CDK5RAP2: variants seen among roughly 807,000 people sequenced by gnomAD.
The protein encoded by CDK5RAP2 is CDK5 regulatory subunit-associated protein 2.
In CDK5RAP2, 147 loss-of-function variants were observed where a neutral mutation model predicts 232.9. That is an observed-to-expected ratio of 0.63 (90% CI 0.55 to 0.72). The LOEUF (loss-of-function observed/expected upper bound fraction) is 0.72. CDK5RAP2 is among the 30% of genes least tolerant of loss of function. The pLI is 0.00. For missense variants in CDK5RAP2, 2,195 were observed against 2,231.5 expected (o/e 0.98, Z 0.33); for synonymous variants, 833 against 833.7 (o/e 1.00, Z 0.01).
chr9:120,578,224 G>A (rs868011688), intron 1 of CDK5RAP2, among the ~76,000 whole-genome samples: 2 of 152,090 alleles, frequency 1.3e-5, no homozygotes, highest in African/African-American at 2.4e-5. Flanking sequence ...CCGAGATCGC[G>A]CCACTGCACT....
At chr9:120,460,480 C>G in intron 19 of CDK5RAP2, 92 bp downstream of exon 19, 1 of 1,193,034 alleles carries the variant, frequency 8.4e-7, no homozygotes, top group South Asian at 1.3e-5. Context: ...GCAGAATGAA[C>G]AGAAAACCCA....
At chr9:120,512,684 C>T (rs1384815096) in intron 12 of CDK5RAP2, among the ~76,000 whole-genome samples, 1 of 152,172 alleles carries the variant, frequency 6.6e-6, no homozygotes, top group Non-Finnish European at 1.5e-5. Flanking sequence ...TAGCAAAGTC[C>T]TGAAATTAGA....
Position 120,391,398 on chromosome 9 carries a change from A to G in CDK5RAP2, c.5579-1611T>C, listed in dbSNP as rs187263356. ...CTCGTCCCAAATCTAGACTGGCCCCAGCACAGAGCTGGGACTCACATGTGG... is the reference window on the plus strand; with the variant it reads ...CTCGTCCCAAATCTAGACTGGCCCCGGCACAGAGCTGGGACTCACATGTGG... On this transcript the variant is annotated intron_variant, in intron 36 of 37. Coordinates refer to ENST00000349780, the MANE Select transcript of CDK5RAP2 (RefSeq NM_018249.6). Among the ~76,000 whole-genome samples, 239 of 152,320 alleles carry G rather than the reference A, an allele frequency of 1.6e-3. 1 individual carries two copies. The highest frequency in any genetic ancestry group is 5.5e-3 in the African/African-American group (230 of 41,574).
chr9:120,537,296 A>T (rs2041434923), intron 6 of CDK5RAP2, among the ~76,000 whole-genome samples: 1 of 152,188 alleles, frequency 6.6e-6, no homozygotes, highest in African/African-American at 2.4e-5. Flanking sequence ...CGTCCCATCA[A>T]AGAGCTACCA....
chr9:120,529,045 G>A, intron 8 of CDK5RAP2: 1 of 568,672 alleles, frequency 1.8e-6, no homozygotes, highest in Non-Finnish European at 3.1e-6. Flanking sequence ...CCACAGTGCT[G>A]CTTAACAAGA....
chr9:120,507,924 AAAAAAAAAAAAAAAAAAAAT>A (rs2039891029), intron 12 of CDK5RAP2, among the ~76,000 whole-genome samples: 1 of 67,522 alleles, frequency 1.5e-5, no homozygotes, highest in Non-Finnish European at 3.3e-5. Flanking sequence ...AAAAAAAAAA[AAAAAAAAAAAAAAAAAAAAT>A]ATATATATAT....
intron 18 of CDK5RAP2, among the ~76,000 whole-genome samples, chr9:120,464,796 A>C (rs2037284029): frequency 6.6e-6 from 1 of 152,222 alleles, no homozygotes; most frequent in Admixed American, 6.5e-5. Flanking sequence ...TGTTTTACTG[A>C]GTGCATACCA....
chr9:120,527,661 G>T, intron 10 of CDK5RAP2, 145 bp downstream of exon 10: 1 of 837,224 alleles, frequency 1.2e-6, no homozygotes, highest in Non-Finnish European at 1.9e-6. Flanking sequence ...AAGAATTTCC[G>T]GTTGACTAGA....
intron 17 of CDK5RAP2, among the ~76,000 whole-genome samples, chr9:120,469,709 A>G (rs970638723): frequency 6.6e-6 from 1 of 152,340 alleles, no homozygotes; most frequent in African/African-American, 2.4e-5. Context: ...ATCAGAAATA[A>G]GACATAATCA....
At chr9:120,488,196 TC>T (rs2038713286) in intron 13 of CDK5RAP2, among the ~76,000 whole-genome samples, 2 of 152,316 alleles carry the variant, frequency 1.3e-5, no homozygotes, top group South Asian at 4.1e-4. Flanking sequence ...CACATCTTAT[TC>T]CTAAGCACCT....
intron 27 of CDK5RAP2, among the ~76,000 whole-genome samples, chr9:120,417,049 G>A (rs2034262054): frequency 6.6e-6 from 1 of 152,224 alleles, no homozygotes; most frequent in African/African-American, 2.4e-5. Context: ...ACTCTTGTCT[G>A]CAAAAAGCTA....
In CDK5RAP2 at chr9:120,517,157, G is replaced by A. The variant is rs572724556; in HGVS notation, c.1311+1270C>T. Among the ~76,000 whole-genome samples the A allele has an allele frequency of 7.2e-5, 11 of 152,304 alleles. No homozygotes were observed. The East Asian group carries it at 1.5e-3, about 21-fold the overall frequency. On this transcript the variant is annotated intron_variant, in intron 12 of 37. Coordinates refer to ENST00000349780, the MANE Select transcript of CDK5RAP2 (RefSeq NM_018249.6). ...GAGCCCAGGGGCATCAGGACTGAAC[G>A]ATAGTACAGAAAATCAGTAAGAGTT...
chr9:120,434,385 G>A (rs1278414425), intron 25 of CDK5RAP2, among the ~76,000 whole-genome samples: 1 of 152,178 alleles, frequency 6.6e-6, no homozygotes, highest in Non-Finnish European at 1.5e-5. Flanking sequence ...CAGGGCGATG[G>A]TACAGGGCTT....
At chr9:120,404,793 G>C in intron 32 of CDK5RAP2, among the ~76,000 whole-genome samples, 1 of 152,186 alleles carries the variant, frequency 6.6e-6, no homozygotes, top group Admixed American at 6.5e-5. Flanking sequence ...ATAGGATCTG[G>C]GGGGTGATGT....
chr9:120,403,539 G>C lies in CDK5RAP2; in HGVS notation c.5042-468C>G. 7.3e-6 allele frequency: 2 copies of C among 273,528 alleles called. No individual in the cohort carries two copies. Among genetic ancestry groups the C allele is most frequent in the South Asian group, 8.6e-5 (2 of 23,198 alleles). The allele number at this position is 273,528 out of a possible 1,614,324, so 16.9% of individuals were successfully genotyped here. On this transcript the variant is annotated intron_variant, in intron 33 of 37. Coordinates refer to ENST00000349780, the MANE Select transcript of CDK5RAP2 (RefSeq NM_018249.6). The surrounding 1 kb of genome is among the most constrained non-coding windows in gnomAD (Gnocchi z 4.2). The stretch of plus-strand genomic sequence containing the variant: ...ATTGAGCAAGTAGCAAGAATTACAC[G>C]AATGATGAGTCATTCTGACCAAGGA...
At chr9:120,533,429 C>G (rs530170567) in intron 7 of CDK5RAP2, among the ~76,000 whole-genome samples, 1 of 152,226 alleles carries the variant, frequency 6.6e-6, no homozygotes, top group East Asian at 1.9e-4. Context: ...TCCCTCCACC[C>G]AAAAACATTT....
chr9:120,424,874 G>T, intron 25 of CDK5RAP2, among the ~76,000 whole-genome samples: 1 of 151,850 alleles, frequency 6.6e-6, no homozygotes, highest in Non-Finnish European at 1.5e-5. Context: ...TAATTTTTTT[G>T]TATTTTTAGT....
Position 120,491,425 on chromosome 9 carries a change from T to C in CDK5RAP2, c.1364A>G (p.Lys455Arg), listed in dbSNP as rs1564291651. Reference protein sequence around the residue: ...KLRNEVNEREKAMENRYKSLL... With the variant: ...KLRNEVNERERAMENRYKSLL... ...ACTCTTGTAACGATTTTCCATTGCT[T>C]TCTCTCTTTCATTCACTTCATTGCG... Residue 455 changes from lysine to arginine, a missense_variant, in exon 13 of 38, where the codon AAA becomes AGA. By Grantham distance (26) the Lys-to-Arg change is conservative (BLOSUM62 2). Transcript: ENST00000349780. 3.7e-6 allele frequency: 6 copies of C among 1,612,362 alleles called. No homozygotes were observed. In the East Asian group the frequency reaches 8.9e-5, roughly 24 times the overall value.
At chr9:120,488,800 A>C (rs1308635086) in intron 13 of CDK5RAP2, among the ~76,000 whole-genome samples, 1 of 152,262 alleles carries the variant, frequency 6.6e-6, no homozygotes, top group Non-Finnish European at 1.5e-5. Context: ...CAAAAAATTG[A>C]CCATCTGCAT....
Sources: allele counts gnomAD v4.1 joint callset (sites outside exome capture counted in the v4.1 genomes callset), GRCh38; gene constraint gnomAD v4.1.1; non-coding constraint Gnocchi (gnomAD v3.1); transcripts MANE v1.5; gene names NCBI Gene and HGNC (gene_info 2026-07-23, HGNC 2026-07-21).